The following PHLPP2 variants were observed in gnomAD, a reference collection of about 807,000 sequenced individuals.
PHLPP2 encodes PH domain and leucine rich repeat protein phosphatase 2, also known as PH domain leucine-rich repeat-containing protein phosphatase 2.
Under a neutral mutation model 124.9 loss-of-function variants are expected in PHLPP2, and 66 were observed. The ratio of observed to expected loss-of-function variants is 0.53; its 90% CI spans 0.43 to 0.65. The LOEUF (loss-of-function observed/expected upper bound fraction) is 0.65, where lower values mean the gene tolerates loss of function less well. Ranked by LOEUF, PHLPP2 falls within the 30% of genes least tolerant of loss-of-function variation. The probability of loss-of-function intolerance (pLI) is 0.00; values close to 1 mark genes in which losing one functional copy is unlikely to be tolerated. For synonymous variants in PHLPP2, 681 were observed against 624.7 expected (o/e 1.09, Z -1.34); for missense variants, 1,685 against 1,600.4 (o/e 1.05, Z -0.90).
chr16:71,656,069 T>A (rs995422875), intron 16 of PHLPP2, among the ~76,000 whole-genome samples: 2 of 150,240 alleles, frequency 1.3e-5, no homozygotes, highest in African/African-American at 4.8e-5. Flanking sequence ...ACACCTATGG[T>A]TGAAAAAGTT....
chr16:71,660,789 C>A (rs548844908), intron 13 of PHLPP2, among the ~76,000 whole-genome samples: 58 of 152,102 alleles, frequency 3.8e-4, no homozygotes, highest in African/African-American at 1.3e-3. Context: ...CCTTATCCTG[C>A]CTGGATTTTT....
chr16:71,708,938 A>T (rs75540144), intron 2 of PHLPP2, among the ~76,000 whole-genome samples: 140 of 152,278 alleles, frequency 9.2e-4, no homozygotes, highest in African/African-American at 3.1e-3. Flanking sequence ...ACAGTACTCC[A>T]GCCTGGACAA....
chr16:71,652,810 G>T lies in PHLPP2; in HGVS notation c.2797C>A (p.Gln933Lys). 1 of 1,613,566 alleles carries T rather than the reference G, an allele frequency of 6.2e-7. No individual in the cohort carries two copies. The highest frequency in any genetic ancestry group is 1.1e-5 in the South Asian group (1 of 91,072). The change falls in exon 18 of 19, where the codon CAA (glutamine) becomes AAA (lysine). Residue 933 changes from glutamine (Q) to lysine (K), a missense_variant. Physicochemically the swap from Gln to Lys is moderately conservative, Grantham distance 53. Transcript: ENST00000568954. ...CACACCTCTGTGATGATGGCTTTTT[G>T]GTCCTTCACCCTTTGAGCCTCCTCT... is the stretch of plus-strand genomic sequence containing the variant. Reference protein sequence around the residue: ...DPEEAQRVKDQKAIITEDNKV... With the variant: ...DPEEAQRVKDKKAIITEDNKV...
At chr16:71,685,779 T>C (rs2145347100) in intron 4 of PHLPP2, among the ~76,000 whole-genome samples, 1 of 152,334 alleles carries the variant, frequency 6.6e-6, no homozygotes, top group Non-Finnish European at 1.5e-5. Context: ...TAATGTCAAA[T>C]ACTGAGACAG....
At chr16:71,706,923 T>C (rs2045278061) in intron 2 of PHLPP2, among the ~76,000 whole-genome samples, 1 of 150,448 alleles carries the variant, frequency 6.6e-6, no homozygotes, top group African/African-American at 2.4e-5. Context: ...AAGTCCAATA[T>C]ATCATGATTT....
intron 4 of PHLPP2, among the ~76,000 whole-genome samples, chr16:71,685,650 G>A (rs1051247042): frequency 6.6e-6 from 1 of 152,196 alleles, no homozygotes; most frequent in African/African-American, 2.4e-5. Context: ...GCAACTGAAT[G>A]AGTCTGTGTC....
chr16:71,696,824 T>A (rs2045175956), intron 3 of PHLPP2, among the ~76,000 whole-genome samples: 2 of 152,124 alleles, frequency 1.3e-5, no homozygotes, highest in African/African-American at 4.8e-5. Flanking sequence ...GCAACAGGAA[T>A]TTAATTCATT....
At chr16:71,720,725 G>A (rs1042343877) in intron 1 of PHLPP2, among the ~76,000 whole-genome samples, 7 of 152,036 alleles carry the variant, frequency 4.6e-5, no homozygotes, top group African/African-American at 1.7e-4. Context: ...TTAGCCAGGC[G>A]TAGTGGCACA....
chr16:71,677,086 G>A (rs1041764360), intron 8 of PHLPP2: 9 of 173,306 alleles, frequency 5.2e-5, no homozygotes, highest in East Asian at 1.4e-4. Flanking sequence ...TTCACTACTC[G>A]CCTCATTTTG....
At chr16:71,707,689 C>A (rs968654649) in intron 2 of PHLPP2, among the ~76,000 whole-genome samples, 1 of 152,132 alleles carries the variant, frequency 6.6e-6, no homozygotes, top group Non-Finnish European at 1.5e-5. Flanking sequence ...GGAGAGGGTA[C>A]AAAGTTCTGT....
chr16:71,676,465 G>A lies in PHLPP2; in HGVS notation c.1453C>T (p.Leu485Phe), dbSNP rs761954706. 4 of 1,613,864 alleles carry A rather than the reference G, an allele frequency of 2.5e-6. No homozygotes were observed. The highest frequency in any genetic ancestry group is 3.3e-5 in the Admixed American group (2 of 60,022). The change falls in exon 9 of 19, where the codon CTC becomes TTC. Residue 485 changes from leucine (L) to phenylalanine (F), a missense_variant. Coordinates refer to ENST00000568954, the MANE Select transcript of PHLPP2 (RefSeq NM_015020.3). ...LTLSGFSLRT[L>F]YASSNRLTAV... ...AACTCACTGTTGGAACTGGCATAGA[G>A]GGTCCGAAGGGAAAAGCCACTGAGT...
intron 13 of PHLPP2, among the ~76,000 whole-genome samples, chr16:71,662,330 T>C (rs2044799412): frequency 6.6e-6 from 1 of 151,854 alleles, no homozygotes; most frequent in African/African-American, 2.4e-5. Flanking sequence ...CTTGGGAGGC[T>C]GAGGCAGGAG....
chr16:71,723,707 C>T, intron 1 of PHLPP2: 8 of 783,988 alleles, frequency 1.0e-5, no homozygotes, highest in Non-Finnish European at 1.5e-5. Flanking sequence ...TCCCTCGTTC[C>T]CTCCCTAGTC....
intron 2 of PHLPP2, among the ~76,000 whole-genome samples, chr16:71,704,859 C>T (rs887836295): frequency 6.6e-6 from 1 of 152,122 alleles, no homozygotes; most frequent in Non-Finnish European, 1.5e-5. Flanking sequence ...TTTTAATAAA[C>T]TGCATCCTGG....
At position 71,678,851 on chromosome 16, in the gene PHLPP2, G is replaced by C; in HGVS notation, c.1172C>G (p.Thr391Ser). ...SQIPEVYEKLTMLDRVVMAGN... is the reference protein window; with the variant it reads ...SQIPEVYEKLSMLDRVVMAGN... ...TGCCATAACCACTCTATCTAACATA[G>C]TGAGTTTCTCATAAACCTCAGGAAT... Residue 391 changes from threonine (T) to serine (S), a missense_variant, in exon 8 of 19, where the codon ACT (threonine) becomes AGT (serine). Thr to Ser is a moderately conservative substitution (Grantham distance 58). Coordinates refer to ENST00000568954, the MANE Select transcript of PHLPP2 (RefSeq NM_015020.3). 6.2e-7 allele frequency: 1 copy of C among 1,611,652 alleles called. No individual in the cohort carries two copies. The highest frequency in any genetic ancestry group is 2.2e-5 in the East Asian group (1 of 44,858).
At chr16:71,694,048 G>A (rs1318251118) in intron 3 of PHLPP2, among the ~76,000 whole-genome samples, 1 of 152,058 alleles carries the variant, frequency 6.6e-6, no homozygotes, top group Non-Finnish European at 1.5e-5. Flanking sequence ...ACAACAATTA[G>A]CTGGGCGTGG....
intron 8 of PHLPP2, 28 bp from the exon 9 acceptor site, chr16:71,676,677 CATAA>C (rs1567618597): frequency 6.7e-7 from 1 of 1,484,400 alleles, no homozygotes; most frequent in Non-Finnish European, 9.4e-7. Flanking sequence ...AGAAAATAAT[CATAA>C]ATAAGAGTCT....
At chr16:71,711,941 T>A (rs928377364) in intron 2 of PHLPP2, among the ~76,000 whole-genome samples, 1 of 152,234 alleles carries the variant, frequency 6.6e-6, no homozygotes, top group Admixed American at 6.5e-5. Flanking sequence ...CTGCGCCAGT[T>A]CCTGTCACAG....
intron 13 of PHLPP2, among the ~76,000 whole-genome samples, chr16:71,661,749 A>G (rs1022038599): frequency 1.3e-5 from 2 of 152,106 alleles, no homozygotes; most frequent in African/African-American, 4.8e-5. Context: ...CTAAGGTGAG[A>G]TGATCACTTG....
Sources: allele counts gnomAD v4.1 joint callset (sites outside exome capture counted in the v4.1 genomes callset), GRCh38; gene constraint gnomAD v4.1.1; transcripts MANE v1.5; gene names NCBI Gene and HGNC (gene_info 2026-07-23, HGNC 2026-07-21).